Variants in MXI1 observed in about 807,000 individuals in gnomAD.
The protein encoded by MXI1 is MAX interactor 1, dimerization protein, also known as max-interacting protein 1.
A neutral mutation model predicts 36.9 loss-of-function variants in MXI1; 18 were observed. That is an observed-to-expected ratio of 0.49 (90% CI 0.34 to 0.72). The LOEUF is 0.72. Among genes scored for constraint, MXI1 ranks in the 30% least tolerant of loss-of-function variants. The pLI is 0.01. For missense variants in MXI1, 304 were observed against 379.1 expected, an observed-to-expected ratio of 0.80 and a Z score of 1.64; for synonymous variants, 160 against 146.7, an observed-to-expected ratio of 1.09 and a Z score of -0.65.
chr10:110,267,916 C>T (rs1022152802), intron 3 of MXI1, among the ~76,000 whole-genome samples: 1 of 152,194 alleles, frequency 6.6e-6, no homozygotes, highest in Non-Finnish European at 1.5e-5. Flanking sequence ...AAGTGTCCTT[C>T]ATATGCCTTT....
At chr10:110,223,776 G>A (rs1240161571) in intron 1 of MXI1, among the ~76,000 whole-genome samples, 1 of 149,424 alleles carries the variant, frequency 6.7e-6, no homozygotes, top group East Asian at 2.0e-4. Flanking sequence ...GATCCAAAAC[G>A]ACCTAGTCAA....
intron 1 of MXI1, chr10:110,227,203 G>C (rs1396446610): frequency 2.3e-6 from 1 of 438,566 alleles, no homozygotes; most frequent in Non-Finnish European, 2.8e-6. Flanking sequence ...AGGGTCGCGC[G>C]TGTGTGAGGG....
At chr10:110,265,684 A>G (rs1305518660) in intron 3 of MXI1, among the ~76,000 whole-genome samples, 2 of 152,218 alleles carry the variant, frequency 1.3e-5, no homozygotes, top group Non-Finnish European at 2.9e-5. Flanking sequence ...GACAAAAGAT[A>G]TTATAAGCTC....
intron 2 of MXI1, among the ~76,000 whole-genome samples, chr10:110,244,389 T>C (rs1855783274): frequency 6.6e-6 from 1 of 152,080 alleles, no homozygotes; most frequent in Admixed American, 6.6e-5. Flanking sequence ...TCAGCTTCTA[T>C]GCTAGCCAAA....
At position 110,222,538 on chromosome 10, in the gene MXI1, C is replaced by A. The variant is rs78144008; in HGVS notation, c.275-5651C>A. 3.7e-3 allele frequency among the ~76,000 whole-genome samples: 556 copies of A among 152,324 alleles called. 4 individuals are homozygous for A. Among genetic ancestry groups the A allele is most frequent in the African/African-American group, 0.013 (539 of 41,560 alleles). ...GGCTTTGCCTGCTTCCTTCAGAAGG[C>A]AGATTGTCCCCATCCGTGGCTGTGA... On this transcript the variant is annotated intron_variant, in intron 1 of 5. Coordinates refer to ENST00000332674, the MANE Select transcript of MXI1 (RefSeq NM_130439.3).
chr10:110,223,661 A>C (rs1034320544), intron 1 of MXI1, among the ~76,000 whole-genome samples: 1 of 152,146 alleles, frequency 6.6e-6, no homozygotes, highest in African/African-American at 2.4e-5. Context: ...CTTTAAAATA[A>C]TCCAGTCCCA....
At chr10:110,271,650 G>A (rs896476610) in intron 3 of MXI1, among the ~76,000 whole-genome samples, 1 of 152,154 alleles carries the variant, frequency 6.6e-6, no homozygotes, top group Non-Finnish European at 1.5e-5. Context: ...GGTTTGCAAG[G>A]GTATGAGTTA....
intron 5 of MXI1, 56 bp from the exon 6 acceptor site, chr10:110,284,768 G>T: frequency 1.4e-6 from 2 of 1,480,336 alleles, no homozygotes; most frequent in South Asian, 1.3e-5. Flanking sequence ...GTTAGTTTTT[G>T]AAGGTGCGCT....
In MXI1 at chr10:110,286,184, T is replaced by G. The variant is rs1248698520; in HGVS notation, c.*1197T>G. ...AGTAGACACACTATCATAGTTAACATAGTAAGTTCAGCACTTGTCTCATTT... is the reference window on the plus strand; with the variant it reads ...AGTAGACACACTATCATAGTTAACAGAGTAAGTTCAGCACTTGTCTCATTT... On this transcript the variant is annotated 3_prime_UTR_variant, in exon 6 of 6. Transcript: ENST00000332674. 3.5e-5 allele frequency: 2 copies of G among 57,748 alleles called. No individual in the cohort carries two copies. The highest frequency in any genetic ancestry group is 5.0e-4 in the Admixed American group (2 of 3,986). 3.6% of individuals were successfully genotyped at this position (57,748 alleles called of 1,614,324 possible).
chr10:110,280,259 TTTG>T (rs1330763636), intron 5 of MXI1, among the ~76,000 whole-genome samples, 174 bp downstream of exon 5: 12 of 151,964 alleles, frequency 7.9e-5, no homozygotes, highest in African/African-American at 2.6e-4. Flanking sequence ...TATAAAACTT[TTTG>T]TTTTTTCCTT....
At chr10:110,211,306 A>C (rs977804309) in intron 1 of MXI1, among the ~76,000 whole-genome samples, 1 of 152,060 alleles carries the variant, frequency 6.6e-6, no homozygotes, top group Non-Finnish European at 1.5e-5. Context: ...CGGCAGCTCC[A>C]GCCTCTTCTG....
At chr10:110,217,496 C>T (rs1854682813) in intron 1 of MXI1, among the ~76,000 whole-genome samples, 1 of 152,140 alleles carries the variant, frequency 6.6e-6, no homozygotes, top group South Asian at 2.1e-4. Context: ...CCAGAACTAC[C>T]TTATGGTGCC....
intron 5 of MXI1, among the ~76,000 whole-genome samples, chr10:110,281,669 C>T (rs1857256036): frequency 1.3e-5 from 2 of 152,052 alleles, no homozygotes; most frequent in South Asian, 4.1e-4. Context: ...CATCAAGAGA[C>T]TGAGTCATTT....
intron 1 of MXI1, among the ~76,000 whole-genome samples, chr10:110,209,566 C>A (rs1854456078): frequency 6.6e-6 from 1 of 152,164 alleles, no homozygotes; most frequent in African/African-American, 2.4e-5. Flanking sequence ...TTTTCTTTCT[C>A]TTCTCGCCTG....
intron 3 of MXI1, among the ~76,000 whole-genome samples, chr10:110,247,943 G>A (rs1379594404): frequency 6.6e-6 from 1 of 152,126 alleles, no homozygotes; most frequent in African/African-American, 2.4e-5. Context: ...TTGGAACCAA[G>A]CCAGATGTCC....
intron 1 of MXI1, among the ~76,000 whole-genome samples, chr10:110,220,526 CTG>C (rs752099010): frequency 2.6e-5 from 4 of 152,200 alleles, no homozygotes; most frequent in Non-Finnish European, 5.9e-5. Context: ...CTAGACCTAA[CTG>C]TGACCTCCAC....
chr10:110,277,074 G>A (rs557115002), intron 3 of MXI1, among the ~76,000 whole-genome samples: 2 of 152,130 alleles, frequency 1.3e-5, no homozygotes, highest in Admixed American at 1.3e-4. Context: ...TCGAACTCTT[G>A]GCCTCAGTCT....
intron 1 of MXI1, among the ~76,000 whole-genome samples, chr10:110,223,121 T>C (rs561091007): frequency 1.1e-4 from 16 of 152,352 alleles, no homozygotes; most frequent in Admixed American, 4.6e-4. Flanking sequence ...TCTAGGTTAG[T>C]TCACCTGGAG....
Position 110,286,176 on chromosome 10 carries a change from A to C in MXI1, c.*1189A>C, listed in dbSNP as rs1857421833. On this transcript the variant is annotated 3_prime_UTR_variant, in exon 6 of 6. Transcript: ENST00000332674. ...ATATCTATAGTAGACACACTATCAT[A>C]GTTAACATAGTAAGTTCAGCACTTG... The C allele has an allele frequency of 1.7e-5, 1 of 57,728 alleles. No individual in the cohort carries two copies. The highest frequency in any genetic ancestry group is 4.6e-5 in the African/African-American group (1 of 21,704). The allele number at this position is 57,728 out of a possible 1,614,324, so 3.6% of individuals were successfully genotyped here.
Sources: gnomAD v4.1 joint callset for allele counts (sites outside exome capture counted in the v4.1 genomes callset) on GRCh38, gnomAD v4.1.1 for gene constraint, MANE v1.5 for transcripts, NCBI Gene and HGNC (gene_info 2026-07-23, HGNC 2026-07-21) for gene names.